NKAIN3: variants seen among roughly 807,000 people sequenced by gnomAD.
NKAIN3 encodes sodium/potassium transporting ATPase interacting 3, also known as sodium/potassium-transporting ATPase subunit beta-1-interacting protein 3.
A neutral mutation model predicts 30.2 loss-of-function variants in NKAIN3; 25 were observed. The observed-to-expected ratio is 0.83, with a 90% CI of 0.60 to 1.16. The LOEUF is 1.16. Among genes scored for constraint, NKAIN3 ranks in the 50% most tolerant of loss-of-function variants. The pLI, the probability that NKAIN3 is intolerant of heterozygous loss-of-function variation, is 0.00. For synonymous variants in NKAIN3, 91 were observed against 89.6 expected (o/e 1.02, Z -0.09); for missense variants, 225 against 254.1 (o/e 0.89, Z 0.78).
intron 5 of NKAIN3, among the ~76,000 whole-genome samples, chr8:62,996,682 G>A (rs1804121681): frequency 2.0e-5 from 3 of 152,208 alleles, no homozygotes; most frequent in Admixed American, 2.0e-4. Context: ...GGGGGTACAA[G>A]TATTGGGTAA....
chr8:62,717,705 C>A (rs1308618973), intron 3 of NKAIN3, among the ~76,000 whole-genome samples: 1 of 151,966 alleles, frequency 6.6e-6, no homozygotes, highest in Admixed American at 6.6e-5. Flanking sequence ...AGAAAATAAA[C>A]CTTATGAATA....
intron 1 of NKAIN3, among the ~76,000 whole-genome samples, chr8:62,436,681 T>C (rs1462831961): frequency 6.6e-6 from 1 of 152,188 alleles, no homozygotes. Context: ...TTAGGAGTTG[T>C]TATTTGATGA....
At chr8:62,615,701 A>C (rs922492411) in intron 3 of NKAIN3, among the ~76,000 whole-genome samples, 2 of 152,082 alleles carry the variant, frequency 1.3e-5, no homozygotes, top group African/African-American at 4.8e-5. Context: ...AGATACCTTC[A>C]TGGGCAGGCA....
intron 5 of NKAIN3, among the ~76,000 whole-genome samples, chr8:62,931,156 C>T (rs1156689630): frequency 6.6e-6 from 1 of 152,082 alleles, no homozygotes; most frequent in African/African-American, 2.4e-5. Flanking sequence ...TCCCAATAAA[C>T]AAAACATTCG....
At chr8:62,985,815 C>T (rs778961799), downstream of NKAIN3, among the ~76,000 whole-genome samples, 3 of 151,410 alleles carry the variant, frequency 2.0e-5, no homozygotes, top group Non-Finnish European at 4.4e-5. Flanking sequence ...GCTTTTGCAA[C>T]TTTTTGTAGT....
At chr8:62,490,874 C>A (rs1342192404) in intron 1 of NKAIN3, among the ~76,000 whole-genome samples, 1 of 152,172 alleles carries the variant, frequency 6.6e-6, no homozygotes, top group Non-Finnish European at 1.5e-5. Context: ...ATTACATTAA[C>A]TTTAATGTAA....
chr8:62,620,259 A>G (rs1811582701), intron 3 of NKAIN3, among the ~76,000 whole-genome samples: 1 of 152,192 alleles, frequency 6.6e-6, no homozygotes, highest in Admixed American at 6.5e-5. Context: ...TCCTCCAGGT[A>G]TAGGGTGGGC....
chr8:62,262,334 T>G (rs1812467021), intron 1 of NKAIN3, among the ~76,000 whole-genome samples: 1 of 152,190 alleles, frequency 6.6e-6, no homozygotes, highest in African/African-American at 2.4e-5. Context: ...ACCAAGTATT[T>G]TGCAGTTTTT....
Position 62,547,012 on chromosome 8 carries a change from C to T in NKAIN3, c.55-32527C>T, listed in dbSNP as rs548728578. ...GGTGCAGCTGAGCCTACACAGGAGA[C>T]AATCCTTTTCATTACTGTTGTCTAT... On this transcript the variant is annotated intron_variant, in intron 1 of 6. Transcript: ENST00000623646. Among the ~76,000 whole-genome samples the T allele has an allele frequency of 6.0e-4, 92 of 152,260 alleles. 1 individual carries two copies. In the South Asian group the frequency reaches 0.019, roughly 31 times the overall value.
chr8:62,849,287 G>C (rs1471654819), intron 4 of NKAIN3, among the ~76,000 whole-genome samples: 1 of 126,294 alleles, frequency 7.9e-6, no homozygotes, highest in East Asian at 2.4e-4. Flanking sequence ...AATTCATCTG[G>C]TCCTGGGCTT....
chr8:62,486,924 T>A (rs975384004), intron 1 of NKAIN3, among the ~76,000 whole-genome samples: 1 of 152,176 alleles, frequency 6.6e-6, no homozygotes, highest in Non-Finnish European at 1.5e-5. Flanking sequence ...AGATATCTGA[T>A]GGCCCAACGA....
At position 62,966,020 on chromosome 8, in the gene NKAIN3, A is replaced by G. The variant is rs1823702042; in HGVS notation, c.*613A>G. ...GCAATCTAAATTTTCAGATTCGTGC[A>G]TATCTTGTTTTTCCTGATATATATA... is the stretch of plus-strand genomic sequence containing the variant. On this transcript the variant is annotated 3_prime_UTR_variant, in exon 7 of 7. Transcript: ENST00000623646. 1 of 984,808 alleles carries G rather than the reference A, an allele frequency of 1.0e-6. No individual in the cohort carries two copies. The highest frequency in any genetic ancestry group is 4.7e-5 in the South Asian group (1 of 21,278). 61.0% of individuals were successfully genotyped at this position (984,808 alleles called of 1,614,324 possible).
intron 1 of NKAIN3, among the ~76,000 whole-genome samples, chr8:62,562,907 G>C (rs953723563): frequency 1.3e-5 from 2 of 152,106 alleles, no homozygotes; most frequent in Non-Finnish European, 2.9e-5. Context: ...AAGGTTCTTA[G>C]AGAAACTTTT....
At chr8:62,864,156 G>C in intron 4 of NKAIN3, 1 of 625,994 alleles carries the variant, frequency 1.6e-6, no homozygotes, top group Non-Finnish European at 2.8e-6. Flanking sequence ...CAGCCGGGCT[G>C]CGGCTTTCAC....
At chr8:62,385,297 G>A (rs774907527) in intron 1 of NKAIN3, among the ~76,000 whole-genome samples, 1 of 152,014 alleles carries the variant, frequency 6.6e-6, no homozygotes. Context: ...AACCCTGGAG[G>A]GTACAACTCA....
In NKAIN3 at chr8:62,837,783, G is replaced by A. The variant is rs78588981; in HGVS notation, c.472-80670G>A. On this transcript the variant is annotated intron_variant, in intron 4 of 6. Coordinates refer to ENST00000623646, the MANE Select transcript of NKAIN3 (RefSeq NM_001304533.3). ...TGAATTAATTCACTTTGTCGCTGAT[G>A]ACAAAAACAACTAGAATTTGCAAAG... 3.9e-3 allele frequency among the ~76,000 whole-genome samples: 599 copies of A among 152,134 alleles called. 15 individuals carry two copies. The East Asian group carries it at 0.064, about 16-fold the overall frequency.
At chr8:62,799,437 C>T (rs774419471) in intron 4 of NKAIN3, among the ~76,000 whole-genome samples, 14 of 152,000 alleles carry the variant, frequency 9.2e-5, no homozygotes, top group Non-Finnish European at 1.0e-4. Context: ...AACAAGCATA[C>T]GGAAAAATGC....
chr8:62,594,679 A>G (rs1355696896), intron 3 of NKAIN3, among the ~76,000 whole-genome samples: 2 of 152,076 alleles, frequency 1.3e-5, no homozygotes, highest in Non-Finnish European at 2.9e-5. Context: ...ATTCCCCATT[A>G]CATTTCACTA....
chr8:62,732,173 T>A (rs1815489229), intron 3 of NKAIN3, among the ~76,000 whole-genome samples: 1 of 152,140 alleles, frequency 6.6e-6, no homozygotes, highest in Non-Finnish European at 1.5e-5. Context: ...CTAGGAAAAC[T>A]AAGAAAACTC....
Sources: gnomAD v4.1 joint callset for allele counts (sites outside exome capture counted in the v4.1 genomes callset) on GRCh38, gnomAD v4.1.1 for gene constraint, MANE v1.5 for transcripts, NCBI Gene and HGNC (gene_info 2026-07-23, HGNC 2026-07-21) for gene names.